Variants in TLN2 observed in about 807,000 individuals in gnomAD.
TLN2 encodes talin 2.
TLN2 carries 118 observed loss-of-function variants against 294.7 expected under a neutral mutation model. That is an observed-to-expected ratio of 0.40 (90% CI 0.34 to 0.47). The LOEUF is 0.47. TLN2 is among the 20% of genes least tolerant of loss of function. The pLI is 0.84. For synonymous variants in TLN2, 1,431 were observed against 1,304.5 expected, an observed-to-expected ratio of 1.10 and a Z score of -2.09; for missense variants, 3,083 against 3,282.2, an observed-to-expected ratio of 0.94 and a Z score of 1.48.
intron 9 of TLN2, among the ~76,000 whole-genome samples, chr15:62,670,129 C>T (rs1596600766): frequency 6.6e-6 from 1 of 152,190 alleles, no homozygotes; most frequent in Non-Finnish European, 1.5e-5. Flanking sequence ...CTTCTAGTGA[C>T]AGCCATTGCT....
chr15:62,490,028 G>C (rs978588416), intron 1 of TLN2, among the ~76,000 whole-genome samples: 1 of 152,192 alleles, frequency 6.6e-6, no homozygotes, highest in African/African-American at 2.4e-5. Flanking sequence ...TTATGTGAAG[G>C]CATTGCATTC....
chr15:62,443,334 G>T (rs948579592), intron 1 of TLN2, among the ~76,000 whole-genome samples: 2 of 152,014 alleles, frequency 1.3e-5, no homozygotes, highest in African/African-American at 4.8e-5. Context: ...TCCTTAACTG[G>T]TTCTAATATA....
rs373380657 is a variant in TLN2 at position 62,532,399 on chromosome 15, A to G, written c.-237-57288A>G. On this transcript the variant is annotated intron_variant, in intron 1 of 58. Transcript: ENST00000636159. Reference sequence around the variant, plus strand: ...GGTGTGAGCCACTGCATCCAGCATTACTGGGAATAATTTGAATTTACTGAA... The same window carrying G: ...GGTGTGAGCCACTGCATCCAGCATTGCTGGGAATAATTTGAATTTACTGAA... Among the ~76,000 whole-genome samples the G allele has an allele frequency of 7.9e-5, 12 of 152,026 alleles. No homozygotes were observed. In the East Asian group the frequency reaches 1.4e-3, roughly 17 times the overall value.
rs745796240 is a variant in TLN2, at chr15:62,697,889, C to T, written c.1473+21C>T. 10 of 1,607,360 alleles carry T rather than the reference C, an allele frequency of 6.2e-6. No homozygotes were observed. The South Asian group carries it at 8.8e-5, about 14-fold the overall frequency. ...CACTGGTGAGGCTTCCTGTGCTCGT[C>T]CCCCACTCGTTAGTCTGCTGCCTCC... On this transcript the variant is annotated intron_variant, in intron 15 of 58. Coordinates refer to ENST00000636159, the MANE Select transcript of TLN2 (RefSeq NM_015059.3).
chr15:62,779,772 A>G (rs2063993698), intron 43 of TLN2, among the ~76,000 whole-genome samples: 1 of 152,264 alleles, frequency 6.6e-6, no homozygotes, highest in Non-Finnish European at 1.5e-5. Context: ...TGATGGGGAT[A>G]TAGCATCTAT....
At chr15:62,450,565 G>A (rs199731956) in intron 1 of TLN2, among the ~76,000 whole-genome samples, 10 of 146,812 alleles carry the variant, frequency 6.8e-5, no homozygotes, top group African/African-American at 2.3e-4. Context: ...GTGTGTGTGT[G>A]TGTGTGTGTC....
chr15:62,830,601 C>A (rs1484614052), intron 54 of TLN2: 1 of 152,114 alleles, frequency 6.6e-6, no homozygotes, highest in Non-Finnish European at 1.5e-5. Context: ...GTCTCCTTGG[C>A]TTGGAGAGAT....
intron 1 of TLN2, among the ~76,000 whole-genome samples, chr15:62,417,702 T>A (rs1595757659): frequency 6.6e-6 from 1 of 152,188 alleles, no homozygotes; most frequent in African/African-American, 2.4e-5. Context: ...GGCTACAGGC[T>A]CTGGTGGTAG....
chr15:62,686,425 T>C (rs11634663), intron 11 of TLN2, among the ~76,000 whole-genome samples: 136,808 of 152,148 alleles, frequency 0.9, 63,165 homozygotes, highest in Non-Finnish European at 1. Flanking sequence ...GGGCATGATT[T>C]TGTGGCTCTT....
chr15:62,604,245 G>A (rs1182504391), intron 2 of TLN2, among the ~76,000 whole-genome samples: 1 of 152,074 alleles, frequency 6.6e-6, no homozygotes, highest in Admixed American at 6.5e-5. Flanking sequence ...GGCGGGGCAT[G>A]GTGGCTCTCA....
At chr15:62,460,260 G>GTTTTTT (rs570067801) in intron 1 of TLN2, among the ~76,000 whole-genome samples, 16 of 139,278 alleles carry the variant, frequency 1.1e-4, no homozygotes, top group Admixed American at 3.6e-4. Context: ...TAGCCACATG[G>GTTTTTT]TTTTTTTTTT....
intron 16 of TLN2, 119 bp from the exon 17 acceptor site, chr15:62,700,987 G>A (rs757590047): frequency 2.3e-5 from 19 of 818,902 alleles, no homozygotes; most frequent in Admixed American, 6.3e-5. Flanking sequence ...GGCCCTGTCG[G>A]TGCTGGCCTC....
At chr15:62,738,659 T>C (rs2061157871) in intron 30 of TLN2, among the ~76,000 whole-genome samples, 2 of 152,154 alleles carry the variant, frequency 1.3e-5, no homozygotes, top group Admixed American at 6.5e-5. Context: ...AGGGTACGTG[T>C]GTCCAAGCCT....
At chr15:62,800,622 C>T in intron 49 of TLN2, 31 bp from the exon 50 acceptor site, 16 of 1,612,752 alleles carry the variant, frequency 9.9e-6, no homozygotes, top group South Asian at 3.3e-5. Flanking sequence ...AGTCACTGCA[C>T]TATCTGTATT....
chr15:62,826,202 C>T (rs1207861400), intron 54 of TLN2, among the ~76,000 whole-genome samples: 1 of 151,918 alleles, frequency 6.6e-6, no homozygotes, highest in Non-Finnish European at 1.5e-5. Flanking sequence ...TATCGACATT[C>T]AAGGGCCCCT....
At chr15:62,663,959 G>T (rs887664219) in intron 9 of TLN2, among the ~76,000 whole-genome samples, 1 of 151,904 alleles carries the variant, frequency 6.6e-6, no homozygotes, top group African/African-American at 2.4e-5. Flanking sequence ...ACTAGTCAAG[G>T]CTCAAGAATG....
At chr15:62,444,646 A>T (rs140288840) in intron 1 of TLN2, among the ~76,000 whole-genome samples, 3 of 152,250 alleles carry the variant, frequency 2.0e-5, no homozygotes, top group East Asian at 1.9e-4. Context: ...TGTGTCATGA[A>T]CAATGGTGAG....
In TLN2 at chr15:62,673,072, T is replaced by TTGTGTGTGTGTGTGTGTGTGTG. The variant is rs60589441; in HGVS notation, c.789-749_789-728dup. On this transcript the variant is annotated intron_variant, in intron 9 of 58. Coordinates refer to ENST00000636159, the MANE Select transcript of TLN2 (RefSeq NM_015059.3). Reference sequence around the variant, plus strand: ...TATATAATGTAATATCCTAATTTAATTGTGTGTGTGTGTGTGTGTGTGTGT... The same window carrying TTGTGTGTGTGTGTGTGTGTGTG: ...TATATAATGTAATATCCTAATTTAATTGTGTGTGTGTGTGTGTGTGTGTGTGTGTGTGTGTGTGTGTGTGTGT... Among the ~76,000 whole-genome samples the TTGTGTGTGTGTGTGTGTGTGTG allele has an allele frequency of 4.1e-3, 591 of 144,884 alleles. 5 individuals are homozygous for TTGTGTGTGTGTGTGTGTGTGTG. The highest frequency in any genetic ancestry group is 0.019 in the East Asian group (94 of 4,962).
At chr15:62,443,718 T>C (rs1477880857) in intron 1 of TLN2, among the ~76,000 whole-genome samples, 1 of 152,190 alleles carries the variant, frequency 6.6e-6, no homozygotes, top group Admixed American at 6.5e-5. Context: ...AATGGGAGTC[T>C]GAGCCAGATG....
Sources: allele counts gnomAD v4.1 joint callset (sites outside exome capture counted in the v4.1 genomes callset), GRCh38; gene constraint gnomAD v4.1.1; transcripts MANE v1.5; gene names NCBI Gene and HGNC (gene_info 2026-07-23, HGNC 2026-07-21).